The following NUP214 variants were observed in gnomAD, a reference collection of about 807,000 sequenced individuals.
NUP214 encodes the protein nuclear pore complex protein Nup214.
Under a neutral mutation model 196.2 loss-of-function variants are expected in NUP214, and 79 were observed. That is an observed-to-expected ratio of 0.40 (90% CI 0.34 to 0.49). The LOEUF is 0.49. Ranked by LOEUF, NUP214 falls within the 20% of genes least tolerant of loss-of-function variation. The probability of loss-of-function intolerance (pLI) is 0.58; values close to 1 mark genes in which losing one functional copy is unlikely to be tolerated. For missense variants in NUP214, 2,468 were observed against 2,539.0 expected (o/e 0.97, Z 0.60); for synonymous variants, 1,020 against 990.5 (o/e 1.03, Z -0.56).
At chr9:131,210,126 T>G (rs184411239) in intron 30 of NUP214, among the ~76,000 whole-genome samples, 1 of 152,338 alleles carries the variant, frequency 6.6e-6, no homozygotes, top group Non-Finnish European at 1.5e-5. Context: ...CAGTCACCAC[T>G]GTTCTTCCAT....
At chr9:131,222,952 A>ACC (rs757386212) in intron 32 of NUP214, 22 bp downstream of exon 32, 24 of 1,607,748 alleles carry the variant, frequency 1.5e-5, no homozygotes, top group Non-Finnish European at 1.9e-5. Flanking sequence ...TCTATTTGTT[A>ACC]TGGTTATCTT....
chr9:131,129,493 T>A lies in NUP214; in HGVS notation c.592+16T>A, dbSNP rs1476749727. The A allele has an allele frequency of 1.2e-6, 2 of 1,606,948 alleles. No homozygotes were observed. Among genetic ancestry groups the A allele is most frequent in the Non-Finnish European group, 8.5e-7 (1 of 1,173,438 alleles). ...GTAACCTCTGGTGAGTAATAAAGGC[T>A]TTCACACTGTAGCATACAATCATGG... On this transcript the variant is annotated intron_variant, in intron 4 of 35. Coordinates refer to ENST00000359428, the MANE Select transcript of NUP214 (RefSeq NM_005085.4).
chr9:131,221,854 C>A lies in NUP214; in HGVS notation c.5750-924C>A, dbSNP rs200118945. 4.7e-4 allele frequency among the ~76,000 whole-genome samples: 71 copies of A among 152,028 alleles called. No homozygotes were observed. The East Asian group carries it at 0.011, about 23-fold the overall frequency. The stretch of plus-strand genomic sequence containing the variant: ...CCTTCCCACCAACGCCCACCCCCCC[C>A]AAAAAAAGTTTGAAAACTCTGACAT... On this transcript the variant is annotated intron_variant, in intron 31 of 35. Transcript: ENST00000359428.
chr9:131,193,624 C>CT (rs1564202971), intron 27 of NUP214, among the ~76,000 whole-genome samples: 2 of 17,666 alleles, frequency 1.1e-4, no homozygotes, highest in East Asian at 1.1e-3. Context: ...ATTCTTCTTC[C>CT]TTTTCTTTTT....
At chr9:131,164,805 A>G (rs1052783620) in intron 21 of NUP214, 2 of 152,194 alleles carry the variant, frequency 1.3e-5, no homozygotes, top group African/African-American at 4.8e-5. Flanking sequence ...TTTTTTTCCC[A>G]TTACATTACC....
chr9:131,153,009 CAA>C (rs1345773195), intron 17 of NUP214: 8 of 152,130 alleles, frequency 5.3e-5, no homozygotes, highest in Non-Finnish European at 5.9e-5. Context: ...CTCCTGAGCT[CAA>C]GTCACCCTCC....
Position 131,141,033 on chromosome 9 carries a change from G to A in NUP214, c.1294+323G>A, listed in dbSNP as rs112218654. ...TCCAAAAGACATTGTGCTTAATCAT[G>A]GGGGTTGGTTAAAGAAATGATTGTA... On this transcript the variant is annotated intron_variant, in intron 11 of 35. Transcript: ENST00000359428. 2.9e-3 allele frequency among the ~76,000 whole-genome samples: 435 copies of A among 152,166 alleles called. 1 individual carries two copies. Among genetic ancestry groups the A allele is most frequent in the Non-Finnish European group, 4.5e-3 (307 of 67,992 alleles).
intron 9 of NUP214, 22 bp from the exon 10 acceptor site, chr9:131,139,255 CTTTT>C (rs200377608): frequency 1.4e-3 from 1,540 of 1,089,206 alleles, no homozygotes; most frequent in East Asian, 2.6e-3. Flanking sequence ...TCTTCTTCTT[CTTTT>C]TTTTTTTTTT....
At chr9:131,145,633 C>T (rs1832066822) in intron 12 of NUP214, among the ~76,000 whole-genome samples, 1 of 152,200 alleles carries the variant, frequency 6.6e-6, no homozygotes, top group Non-Finnish European at 1.5e-5. Flanking sequence ...GACTTTTGCT[C>T]TTTAGGTGGA....
At chr9:131,205,583 C>G (rs1834053323) in intron 30 of NUP214, among the ~76,000 whole-genome samples, 1 of 152,178 alleles carries the variant, frequency 6.6e-6, no homozygotes, top group Admixed American at 6.5e-5. Flanking sequence ...GGAAACAGCC[C>G]AAATGCTTAT....
chr9:131,150,249 C>A, intron 14 of NUP214, 75 bp from the exon 15 acceptor site: 1 of 1,263,050 alleles, frequency 7.9e-7, no homozygotes, highest in Non-Finnish European at 1.2e-6. Flanking sequence ...AGCGCCACTC[C>A]CTGTAATAGG....
intron 24 of NUP214, among the ~76,000 whole-genome samples, chr9:131,182,453 G>T (rs1216354277): frequency 6.6e-6 from 1 of 152,244 alleles, no homozygotes; most frequent in Non-Finnish European, 1.5e-5. Context: ...AAGGATCTAG[G>T]TTGCATGCTC....
chr9:131,140,694 A>G lies in NUP214; in HGVS notation c.1278A>G (p.Arg426=). 6.2e-7 allele frequency: 1 copy of G among 1,613,750 alleles called. No homozygotes were observed. The highest frequency in any genetic ancestry group is 8.5e-7 in the Non-Finnish European group (1 of 1,179,878). The change falls in exon 11 of 36, where the codon CGA becomes CGG. Residue 426 remains arginine (R), a synonymous_variant. Transcript: ENST00000359428. ...TPERLSLEGE[R]QPKSPGSTPT... is the part of the protein sequence containing the mutation. ...AGCGACTTTCATTAGAAGGAGAGCG[A>G]CAGCCCAAGTCACCAGGTATGTGCC...
At chr9:131,135,439 A>G (rs1831694853) in intron 8 of NUP214, among the ~76,000 whole-genome samples, 1 of 152,148 alleles carries the variant, frequency 6.6e-6, no homozygotes, top group South Asian at 2.1e-4. Context: ...CTGATTCTTG[A>G]TAATGTCTTT....
At chr9:131,215,705 G>A (rs150244860) in intron 31 of NUP214, among the ~76,000 whole-genome samples, 265 of 152,188 alleles carry the variant, frequency 1.7e-3, no homozygotes, top group African/African-American at 6.0e-3. Context: ...ATGAGCAGCA[G>A]CAGAGCAAGC....
chr9:131,187,049 G>T, intron 24 of NUP214: 1 of 467,398 alleles, frequency 2.1e-6, no homozygotes, highest in Non-Finnish European at 3.9e-6. Context: ...TTTTTTCTTT[G>T]GATTGCAGAA....
chr9:131,187,704 A>G (rs1833493978), intron 25 of NUP214, among the ~76,000 whole-genome samples: 2 of 152,278 alleles, frequency 1.3e-5, no homozygotes, highest in African/African-American at 4.8e-5. Context: ...TACTTTTAAC[A>G]TTCATGCCGT....
rs1831840296 is a variant in NUP214, at chr9:131,139,366, G to A, written c.1091G>A (p.Gly364Glu). 6.2e-7 allele frequency: 1 copy of A among 1,607,526 alleles called. No individual in the cohort carries two copies. The highest frequency in any genetic ancestry group is 1.7e-5 in the Admixed American group (1 of 59,070). The change falls in exon 10 of 36, where the codon GGA becomes GAA. Residue 364 changes from glycine to glutamate, a missense_variant. Physicochemically the swap from Gly to Glu is moderately conservative, Grantham distance 98 (BLOSUM62 -2). Around this residue, in one of 5 missense-constraint regions of NUP214, gnomAD observed 1,801 missense variants for 1,779.4 expected, o/e 1.01. Transcript: ENST00000359428. Reference sequence around the variant, plus strand: ...AAGAGTGATGACTCCTTGCCCATGGGAGTTGTCGTAGACTATACAAACCAA... The same window carrying A: ...AAGAGTGATGACTCCTTGCCCATGGAAGTTGTCGTAGACTATACAAACCAA... ...TDKSDDSLPM[G>E]VVVDYTNQVE...
At chr9:131,141,478 C>CTT (rs3057295) in intron 11 of NUP214, among the ~76,000 whole-genome samples, 2,741 of 118,714 alleles carry the variant, frequency 0.023, 152 homozygotes, top group African/African-American at 0.064. Context: ...TGAAAAGAAA[C>CTT]TTTTTTTTTT....
Sources: allele counts gnomAD v4.1 joint callset (sites outside exome capture counted in the v4.1 genomes callset), GRCh38; gene constraint gnomAD v4.1.1; regional missense constraint gnomAD v4.1.1; transcripts MANE v1.5; gene names NCBI Gene and HGNC (gene_info 2026-07-23, HGNC 2026-07-21).